The following ROBO1 variants were observed in gnomAD, a reference collection of about 807,000 sequenced individuals.
ROBO1 encodes the protein roundabout homolog 1.
Under a neutral mutation model 195.9 loss-of-function variants are expected in ROBO1, and 149 were observed. That is an observed-to-expected ratio of 0.76 (90% CI 0.67 to 0.87). The LOEUF (loss-of-function observed/expected upper bound fraction) is 0.87. ROBO1 is among the 40% of genes least tolerant of loss of function. The pLI, the probability that ROBO1 is intolerant of heterozygous loss-of-function variation, is 0.00. For missense variants in ROBO1, 1,933 were observed against 2,068.3 expected (o/e 0.93, Z 1.27); for synonymous variants, 816 against 733.2 (o/e 1.11, Z -1.82).
intron 26 of ROBO1, among the ~76,000 whole-genome samples, chr3:78,623,026 T>C (rs1441240908): frequency 7.2e-5 from 11 of 152,180 alleles, no homozygotes; most frequent in Admixed American, 7.2e-4. Context: ...GTGAATAAAA[T>C]GATTAGATTA....
At chr3:79,209,648 C>T (rs1317966036) in intron 2 of ROBO1, among the ~76,000 whole-genome samples, 1 of 152,044 alleles carries the variant, frequency 6.6e-6, no homozygotes, top group Non-Finnish European at 1.5e-5. Context: ...CTTTTTACCA[C>T]ATCCATGCCA....
chr3:79,177,833 G>A (rs915723562), intron 2 of ROBO1, among the ~76,000 whole-genome samples: 17 of 152,012 alleles, frequency 1.1e-4, no homozygotes, highest in African/African-American at 3.9e-4. Flanking sequence ...TATTCTTAAA[G>A]GTTATATATA....
At chr3:79,052,067 G>A (rs552844046) in intron 3 of ROBO1, among the ~76,000 whole-genome samples, 21 of 152,182 alleles carry the variant, frequency 1.4e-4, no homozygotes, top group Admixed American at 5.9e-4. Flanking sequence ...GGAGATAACC[G>A]TAAGGTCTGA....
At chr3:79,281,894 G>A (rs2031545819) in intron 2 of ROBO1, among the ~76,000 whole-genome samples, 1 of 152,124 alleles carries the variant, frequency 6.6e-6, no homozygotes, top group Admixed American at 6.5e-5. Context: ...TATGTGTATG[G>A]CACTGTTCTA....
intron 2 of ROBO1, among the ~76,000 whole-genome samples, chr3:79,578,944 T>C (rs1943575682): frequency 6.6e-6 from 1 of 152,218 alleles, no homozygotes; most frequent in Non-Finnish European, 1.5e-5. Flanking sequence ...CAGTGAACAT[T>C]CGTACGCTTA....
chr3:78,795,034 A>T (rs942971085), intron 4 of ROBO1, among the ~76,000 whole-genome samples: 4 of 152,186 alleles, frequency 2.6e-5, no homozygotes, highest in African/African-American at 7.2e-5. Context: ...ACTAAAAATG[A>T]TTTAACTGAA....
At chr3:78,822,753 G>A (rs2031136168) in intron 4 of ROBO1, among the ~76,000 whole-genome samples, 1 of 152,194 alleles carries the variant, frequency 6.6e-6, no homozygotes, top group African/African-American at 2.4e-5. Flanking sequence ...AAAAGGAGGA[G>A]AGTTTTGTTT....
At chr3:79,215,588 T>A (rs1015347359) in intron 2 of ROBO1, among the ~76,000 whole-genome samples, 28 of 152,166 alleles carry the variant, frequency 1.8e-4, no homozygotes, top group African/African-American at 6.8e-4. Flanking sequence ...ATTATGGTCG[T>A]TCTCCTCAAG....
intron 2 of ROBO1, among the ~76,000 whole-genome samples, chr3:79,303,032 T>C: frequency 6.6e-6 from 1 of 152,248 alleles, no homozygotes; most frequent in South Asian, 2.1e-4. Context: ...TATTCATTTG[T>C]TTGTTCATTT....
At chr3:79,544,048 T>C (rs937887799) in intron 2 of ROBO1, among the ~76,000 whole-genome samples, 1 of 152,098 alleles carries the variant, frequency 6.6e-6, no homozygotes, top group Non-Finnish European at 1.5e-5. Context: ...CATTGAAGGA[T>C]TTTTAATACA....
At chr3:79,111,231 G>T (rs999814164) in intron 3 of ROBO1, among the ~76,000 whole-genome samples, 2 of 152,148 alleles carry the variant, frequency 1.3e-5, no homozygotes, top group South Asian at 4.1e-4. Context: ...TATTGTAGCC[G>T]AAATGTGACA....
chr3:79,303,792 C>T lies in ROBO1; in HGVS notation c.89-178253G>A, dbSNP rs528841225. Among the ~76,000 whole-genome samples the T allele has an allele frequency of 6.2e-4, 95 of 152,194 alleles. No individual in the cohort carries two copies. In the Middle Eastern group the frequency reaches 0.01, roughly 16 times the overall value. ...TCTCCTCAAATACCTGCCAACCATC[C>T]CAGCCTCTGAGAACCACCATTCTCA... On this transcript the variant is annotated intron_variant, in intron 2 of 30. Coordinates refer to ENST00000464233, the MANE Select transcript of ROBO1 (RefSeq NM_002941.4).
chr3:78,727,948 T>G (rs2082202693), intron 5 of ROBO1, among the ~76,000 whole-genome samples: 1 of 152,240 alleles, frequency 6.6e-6, no homozygotes, highest in Non-Finnish European at 1.5e-5. Context: ...AAAATAATTT[T>G]AAAATTCTAT....
chr3:78,602,337 T>C (rs6548590), intron 29 of ROBO1, among the ~76,000 whole-genome samples: 152,046 of 152,204 alleles, frequency 1, 75,944 homozygotes, highest in Middle Eastern at 1. Flanking sequence ...GTGCCTACTC[T>C]GCCTTCACCT....
intron 4 of ROBO1, among the ~76,000 whole-genome samples, chr3:78,818,048 T>C (rs921782038): frequency 2.6e-5 from 4 of 152,154 alleles, no homozygotes; most frequent in African/African-American, 7.2e-5. Flanking sequence ...ACAGCTACCG[T>C]TTGCAGCCAG....
At chr3:79,243,826 T>G (rs1445229151) in intron 2 of ROBO1, among the ~76,000 whole-genome samples, 2 of 152,160 alleles carry the variant, frequency 1.3e-5, no homozygotes, top group African/African-American at 4.8e-5. Context: ...CAGAAGCTCT[T>G]TAGTTTAATT....
intron 2 of ROBO1, among the ~76,000 whole-genome samples, chr3:79,183,451 G>T (rs929465959): frequency 2.6e-5 from 4 of 152,228 alleles, no homozygotes; most frequent in Non-Finnish European, 5.9e-5. Context: ...GTTTGGAACA[G>T]CCTCTTGAGG....
intron 4 of ROBO1, among the ~76,000 whole-genome samples, chr3:78,794,126 C>T (rs559854053): frequency 3.1e-4 from 47 of 152,258 alleles, no homozygotes; most frequent in African/African-American, 1.1e-3. Flanking sequence ...TCATATGGTA[C>T]ACTGGCTAAG....
At chr3:79,373,907 G>C (rs984820996) in intron 2 of ROBO1, among the ~76,000 whole-genome samples, 1 of 152,100 alleles carries the variant, frequency 6.6e-6, no homozygotes, top group South Asian at 2.1e-4. Flanking sequence ...GCTGATTACT[G>C]TTATCCATTT....
Sources: gnomAD v4.1 joint callset for allele counts (sites outside exome capture counted in the v4.1 genomes callset) on GRCh38, gnomAD v4.1.1 for gene constraint, MANE v1.5 for transcripts, NCBI Gene and HGNC (gene_info 2026-07-23, HGNC 2026-07-21) for gene names.